Variants in DEFA6 observed in about 807,000 individuals in gnomAD.
DEFA6 encodes the protein defensin alpha 6.
Under a neutral mutation model 5.1 loss-of-function variants are expected in DEFA6, and 8 were observed. That is an observed-to-expected ratio of 1.57 (90% confidence interval 0.92 to 2.83). The LOEUF (loss-of-function observed/expected upper bound fraction) is 2.83, where lower values mean the gene tolerates loss of function less well. Among genes scored for constraint, DEFA6 ranks in the 30% most tolerant of loss-of-function variants. The probability of loss-of-function intolerance (pLI) is 0.00; values close to 1 mark genes in which losing one functional copy is unlikely to be tolerated. For missense variants in DEFA6, 191 were observed against 119.1 expected, an observed-to-expected ratio of 1.60 and a Z score of -2.81; for synonymous variants, 74 against 45.3, an observed-to-expected ratio of 1.63 and a Z score of -2.54.
In DEFA6 at chr8:6,925,867, C is replaced by T. The variant is rs567531860; in HGVS notation, c.169G>A (p.Ala57Thr). The T allele has an allele frequency of 2.7e-5, 44 of 1,613,454 alleles. No individual in the cohort carries two copies. The highest frequency in any genetic ancestry group is 8.9e-5 in the East Asian group (4 of 44,884). ...QDFAVSFAED[A>T]SSSLRALGST... ...CCCAAAGCTCTAAGACTTGAGCTTG[C>T]ATCCTCTGCAAAGGAGACGGCAAAG... The change falls in exon 1 of 2, where the codon GCA becomes ACA. Residue 57 changes from alanine to threonine, a missense_variant. By Grantham distance (58) the Ala-to-Thr change is moderately conservative (BLOSUM62 0). Coordinates refer to ENST00000297436, the MANE Select transcript of DEFA6 (RefSeq NM_001926.4).
Position 6,925,936 on chromosome 8 carries a change from A to G in DEFA6, c.100T>C (p.Tyr34His). 6.2e-7 allele frequency: 1 copy of G among 1,614,078 alleles called. No individual in the cohort carries two copies. The highest frequency in any genetic ancestry group is 8.5e-7 in the Non-Finnish European group (1 of 1,180,016). Residue 34 changes from tyrosine (Y) to histidine (H), a missense_variant, in exon 1 of 2, where the codon TAT becomes CAT. Tyr to His is a moderately conservative substitution (Grantham distance 83). Coordinates refer to ENST00000297436, the MANE Select transcript of DEFA6 (RefSeq NM_001926.4). ...CGCTGCTCCTGGGCATCAGCCTCAT[A>G]AGCTTTTGCCTGCAGTGGATCATCC... Reference protein sequence around the residue: ...AEDDPLQAKAYEADAQEQRGA... With the variant: ...AEDDPLQAKAHEADAQEQRGA...
In DEFA6 at chr8:6,925,905, G is replaced by A. The variant is rs371286175; in HGVS notation, c.131C>T (p.Ala44Val). The A allele has an allele frequency of 1.2e-6, 2 of 1,613,998 alleles. No homozygotes were observed. The highest frequency in any genetic ancestry group is 1.7e-6 in the Non-Finnish European group (2 of 1,180,032). The change falls in exon 1 of 2, where the codon GCA (alanine) becomes GTA (valine). Residue 44 changes from alanine (A) to valine (V), a missense_variant. Transcript: ENST00000297436. ...GGAGACGGCAAAGTCCTGGTCATTT[G>A]CCCCACGCTGCTCCTGGGCATCAGC... ...YEADAQEQRGANDQDFAVSFA... is the reference protein window; with the variant it reads ...YEADAQEQRGVNDQDFAVSFA...
intron 1 of DEFA6, 97 bp downstream of exon 1, chr8:6,925,746 G>T: frequency 9.6e-7 from 1 of 1,040,270 alleles, no homozygotes; most frequent in Non-Finnish European, 1.3e-6. Context: ...CTGGGGAGGT[G>T]ATCACCTAAG....
At position 6,924,757 on chromosome 8, in the gene DEFA6, C is replaced by G. The variant is rs56239909; in HGVS notation, c.*61G>C. On this transcript the variant is annotated 3_prime_UTR_variant, in exon 2 of 2. Coordinates refer to ENST00000297436, the MANE Select transcript of DEFA6 (RefSeq NM_001926.4). ...AGTTGATGGCAATGTATAGGACACA[C>G]GACAGTTTCCTTCTAGGTCATAAAG... is the stretch of plus-strand genomic sequence containing the variant. The G allele has an allele frequency of 8.3e-7, 1 of 1,211,118 alleles. No individual in the cohort carries two copies. 75.0% of individuals were successfully genotyped at this position (1,211,118 alleles called of 1,614,324 possible).
At chr8:6,925,247 G>A (rs1244405998) in intron 1 of DEFA6, among the ~76,000 whole-genome samples, 1 of 152,200 alleles carries the variant, frequency 6.6e-6, no homozygotes, top group African/African-American at 2.4e-5. Flanking sequence ...GCAGCTGGAT[G>A]TGGTGGCTTA....
intron 1 of DEFA6, 82 bp from the exon 2 acceptor site, chr8:6,925,009 T>C: frequency 1.2e-6 from 1 of 860,496 alleles, no homozygotes; most frequent in Non-Finnish European, 1.9e-6. Context: ...GGAAGTTGCA[T>C]GCTTGCTGAC....
At chr8:6,925,753 T>C in intron 1 of DEFA6, 90 bp downstream of exon 1, 1 of 1,195,818 alleles carries the variant, frequency 8.4e-7, no homozygotes, top group East Asian at 2.5e-5. Flanking sequence ...GGTGATCACC[T>C]AAGAGAAAGA....
In DEFA6 at chr8:6,924,886, A is replaced by T; in HGVS notation, c.235T>A (p.Tyr79Asn). Residue 79 changes from tyrosine to asparagine, a missense_variant, in exon 2 of 2, where the codon TAT (tyrosine) becomes AAT (asparagine). Physicochemically the swap from Tyr to Asn is moderately radical, Grantham distance 143. Coordinates refer to ENST00000297436, the MANE Select transcript of DEFA6 (RefSeq NM_001926.4). ...AFTCHCRRSC[Y>N]STEYSYGTCT... ...GTCCCATAGGAATATTCTGTTGAAT[A>T]ACAGGACCTTCTGCAATGGCAAGTG... 1 of 1,611,550 alleles carries T rather than the reference A, an allele frequency of 6.2e-7. No homozygotes were observed. Among genetic ancestry groups the T allele is most frequent in the East Asian group, 2.2e-5 (1 of 44,776 alleles).
intron 1 of DEFA6, among the ~76,000 whole-genome samples, chr8:6,925,600 C>A (rs1301670263): frequency 6.6e-6 from 1 of 152,194 alleles, no homozygotes; most frequent in East Asian, 1.9e-4. Flanking sequence ...GTAGAGACTC[C>A]TCAATACATT....
intron 1 of DEFA6, among the ~76,000 whole-genome samples, 153 bp from the exon 2 acceptor site, chr8:6,925,080 G>A (rs1016330735): frequency 3.3e-5 from 5 of 152,196 alleles, no homozygotes; most frequent in Non-Finnish European, 7.3e-5. Context: ...GAATAAATAC[G>A]CAGAGCAGTG....
rs774663521 is a variant in DEFA6 at position 6,925,924 on chromosome 8, C to A, written c.112G>T (p.Ala38Ser). 3.7e-6 allele frequency: 6 copies of A among 1,614,028 alleles called. No homozygotes were observed. The African/African-American group carries it at 4.0e-5, about 11-fold the overall frequency. ...PLQAKAYEAD[A>S]QEQRGANDQD... ...TCATTTGCCCCACGCTGCTCCTGGG[C>A]ATCAGCCTCATAAGCTTTTGCCTGC... Residue 38 changes from alanine (A) to serine (S), a missense_variant, in exon 1 of 2, where the codon GCC becomes TCC. Ala to Ser is a moderately conservative substitution (Grantham distance 99, BLOSUM62 1). Transcript: ENST00000297436.
rs898459728 is a variant in DEFA6 at position 6,925,855 on chromosome 8, G to C, written c.181C>G (p.Leu61Val). The C allele has an allele frequency of 1.2e-6, 2 of 1,612,680 alleles. No homozygotes were observed. Among genetic ancestry groups the C allele is most frequent in the East Asian group, 4.5e-5 (2 of 44,874 alleles). ...TGGTGTCTCTTACCCAAAGCTCTAA[G>C]ACTTGAGCTTGCATCCTCTGCAAAG... The part of the protein sequence containing the change: ...VSFAEDASSS[L>V]RALGSTRAFT... The change falls in exon 1 of 2, where the codon CTT becomes GTT. Residue 61 changes from leucine to valine, a missense_variant. By Grantham distance (32) the Leu-to-Val change is conservative. Coordinates refer to ENST00000297436, the MANE Select transcript of DEFA6 (RefSeq NM_001926.4).
At position 6,924,839 on chromosome 8, in the gene DEFA6, G is replaced by C. The variant is rs1412326908; in HGVS notation, c.282C>G (p.Asn94Lys). The C allele has an allele frequency of 6.2e-7, 1 of 1,607,792 alleles. No individual in the cohort carries two copies. The highest frequency in any genetic ancestry group is 8.5e-7 in the Non-Finnish European group (1 of 1,174,836). The change falls in exon 2 of 2, where the codon AAC becomes AAG. Residue 94 changes from asparagine to lysine, a missense_variant. Physicochemically the swap from Asn to Lys is moderately conservative, Grantham distance 94 (BLOSUM62 0). Transcript: ENST00000297436. The stretch of plus-strand genomic sequence containing the variant: ...TCCCTCAGAGGCAGCAGAATCTGTG[G>C]TTAATACCCATGACAGTGCAGGTCC... ...SYGTCTVMGI[N>K]HRFCCL
rs758078290 is a variant in DEFA6, at chr8:6,925,945, C to T, written c.91G>A (p.Ala31Thr). Residue 31 changes from alanine (A) to threonine (T), a missense_variant, in exon 1 of 2, where the codon GCA (alanine) becomes ACA (threonine). Physicochemically the swap from Ala to Thr is moderately conservative, Grantham distance 58. Transcript: ENST00000297436. Reference protein sequence around the residue: ...PLQAEDDPLQAKAYEADAQEQ... With the variant: ...PLQAEDDPLQTKAYEADAQEQ... ...TGGGCATCAGCCTCATAAGCTTTTG[C>T]CTGCAGTGGATCATCCTCAGCTTGG... 3.7e-6 allele frequency: 6 copies of T among 1,613,882 alleles called. No homozygotes were observed. Among genetic ancestry groups the T allele is most frequent in the Non-Finnish European group, 5.1e-6 (6 of 1,179,988 alleles).
intron 1 of DEFA6, among the ~76,000 whole-genome samples, 163 bp downstream of exon 1, chr8:6,925,680 A>G (rs997067396): frequency 2.0e-5 from 3 of 152,244 alleles, no homozygotes; most frequent in Admixed American, 2.0e-4. Flanking sequence ...GAGAAAAGTC[A>G]TGCCTTGAAT....
At position 6,924,997 on chromosome 8, in the gene DEFA6, C is replaced by T. The variant is rs779545096; in HGVS notation, c.194-70G>A. 9 of 979,076 alleles carry T rather than the reference C, an allele frequency of 9.2e-6. No homozygotes were observed. The East Asian group carries it at 1.5e-4, about 16-fold the overall frequency. 60.6% of individuals were successfully genotyped at this position (979,076 alleles called of 1,614,324 possible). ...AGCAGCGGGCAGTAAAGAGAATCTT[C>T]AGGAAGTTGCATGCTTGCTGACATG... On this transcript the variant is annotated intron_variant, in intron 1 of 1. Transcript: ENST00000297436.
In DEFA6 at chr8:6,924,905, G is replaced by T; in HGVS notation, c.216C>A (p.Cys72Ter). ...RALGSTRAFT[C>*]HCRRSCYSTE... ...TTGAATAACAGGACCTTCTGCAATG[G>T]CAAGTGAAAGCCCTTGTTGAGCCTG... is the stretch of plus-strand genomic sequence containing the variant. The change falls in exon 2 of 2, where the codon TGC (cysteine) becomes TGA (stop). Residue 72 changes from cysteine to a stop codon, truncating the protein, a stop_gained. Coordinates refer to ENST00000297436, the MANE Select transcript of DEFA6 (RefSeq NM_001926.4). LOFTEE classifies it low-confidence loss of function (END_TRUNC). 1.9e-6 allele frequency: 3 copies of T among 1,608,918 alleles called. No individual in the cohort carries two copies. Among genetic ancestry groups the T allele is most frequent in the Non-Finnish European group, 2.6e-6 (3 of 1,175,934 alleles).
At position 6,925,908 on chromosome 8, in the gene DEFA6, C is replaced by G. The variant is rs753617699; in HGVS notation, c.128G>C (p.Gly43Ala). Residue 43 changes from glycine to alanine, a missense_variant, in exon 1 of 2, where the codon GGG (glycine) becomes GCG (alanine). Gly to Ala is a moderately conservative substitution (Grantham distance 60). Coordinates refer to ENST00000297436, the MANE Select transcript of DEFA6 (RefSeq NM_001926.4). ...AYEADAQEQR[G>A]ANDQDFAVSF... ...GACGGCAAAGTCCTGGTCATTTGCCCCACGCTGCTCCTGGGCATCAGCCTC... is the reference window on the plus strand; with the variant it reads ...GACGGCAAAGTCCTGGTCATTTGCCGCACGCTGCTCCTGGGCATCAGCCTC... The G allele has an allele frequency of 6.2e-7, 1 of 1,614,114 alleles. No homozygotes were observed. The highest frequency in any genetic ancestry group is 2.2e-5 in the East Asian group (1 of 44,888).
rs377203420 is a variant in DEFA6, at chr8:6,925,823, G to A, written c.193+20C>T. The A allele has an allele frequency of 1.3e-6, 2 of 1,594,898 alleles. No homozygotes were observed. The highest frequency in any genetic ancestry group is 1.7e-6 in the Non-Finnish European group (2 of 1,171,402). On this transcript the variant is annotated intron_variant, in intron 1 of 1. Coordinates refer to ENST00000297436, the MANE Select transcript of DEFA6 (RefSeq NM_001926.4). ...TTTTCCTCTCTACACTCCTAGCTCTGCAATGCTGGTGTCTCTTACCCAAAG... is the reference window on the plus strand; with the variant it reads ...TTTTCCTCTCTACACTCCTAGCTCTACAATGCTGGTGTCTCTTACCCAAAG...
Sources: gnomAD v4.1 joint callset for allele counts (sites outside exome capture counted in the v4.1 genomes callset) on GRCh38, gnomAD v4.1.1 for gene constraint, MANE v1.5 for transcripts, NCBI Gene and HGNC (gene_info 2026-07-23, HGNC 2026-07-21) for gene names.